The following AKNA variants were observed in gnomAD, a reference collection of about 807,000 sequenced individuals.
The protein encoded by AKNA is AT-hook transcription factor.
Under a neutral mutation model 138.8 loss-of-function variants are expected in AKNA, and 67 were observed. The ratio of observed to expected loss-of-function variants is 0.48; its 90% CI spans 0.40 to 0.59. The LOEUF (loss-of-function observed/expected upper bound fraction) is 0.59. Ranked by LOEUF, AKNA falls within the 20% of genes least tolerant of loss-of-function variation. The probability of loss-of-function intolerance (pLI) is 0.00; values close to 1 mark genes in which losing one functional copy is unlikely to be tolerated. For synonymous variants in AKNA, 737 were observed against 754.4 expected, an observed-to-expected ratio of 0.98 and a Z score of 0.38; for missense variants, 1,813 against 1,880.4, an observed-to-expected ratio of 0.96 and a Z score of 0.66.
At chr9:114,365,838 G>A (rs1832306030) in intron 6 of AKNA, among the ~76,000 whole-genome samples, 1 of 152,224 alleles carries the variant, frequency 6.6e-6, no homozygotes, top group Non-Finnish European at 1.5e-5. Context: ...ACAGTCACAT[G>A]TGGCCAGCAG....
At chr9:114,383,140 G>T in intron 1 of AKNA, 3 of 456,040 alleles carry the variant, frequency 6.6e-6, no homozygotes, top group Non-Finnish European at 1.3e-5. Flanking sequence ...CAGAGGTGTG[G>T]TTTAAAAGTT....
chr9:114,368,697 TAATA>T, intron 4 of AKNA, 102 bp from the exon 5 acceptor site: 1 of 1,021,552 alleles, frequency 9.8e-7, no homozygotes, highest in Admixed American at 4.2e-5. Context: ...TGCCCTGTAG[TAATA>T]AATACCATCT....
At chr9:114,383,675 C>CTG (rs1833842810) in intron 1 of AKNA, among the ~76,000 whole-genome samples, 2 of 152,196 alleles carry the variant, frequency 1.3e-5, no homozygotes, top group African/African-American at 4.8e-5. Context: ...GACAGAAGGT[C>CTG]TGTGTTTGTC....
At position 114,348,219 on chromosome 9, in the gene AKNA, T is replaced by C. The variant is rs538638474; in HGVS notation, c.3222-319A>G. On this transcript the variant is annotated intron_variant, in intron 15 of 21. Transcript: ENST00000374088. ...TCGAGATGGAGACAAGGATGCAGCATAGAGAGGGCCCTAGCTACAGTTCTG... is the reference window on the plus strand; with the variant it reads ...TCGAGATGGAGACAAGGATGCAGCACAGAGAGGGCCCTAGCTACAGTTCTG... Among the ~76,000 whole-genome samples the C allele has an allele frequency of 5.3e-5, 8 of 152,274 alleles. 1 individual carries two copies. In the South Asian group the frequency reaches 1.4e-3, roughly 28 times the overall value.
chr9:114,385,014 T>A (rs1833932860), intron 1 of AKNA, among the ~76,000 whole-genome samples: 1 of 152,090 alleles, frequency 6.6e-6, no homozygotes, highest in Non-Finnish European at 1.5e-5. Context: ...CATGCCTGGC[T>A]AATTTTAAAA....
upstream of AKNA, among the ~76,000 whole-genome samples, chr9:114,394,959 G>A (rs955670117): frequency 1.7e-4 from 26 of 152,346 alleles, no homozygotes; most frequent in Admixed American, 1.5e-3. Flanking sequence ...GCAGTGGGGG[G>A]GCTGGGGGGA....
rs200305427 is a variant in AKNA at position 114,376,664 on chromosome 9, G to A, written c.1143C>T (p.Ser381=). ...PKDESYRPPK[S]RSHNRKPQAP... Reference sequence around the variant, plus strand: ...CCTGAGGCTTCCTGTTGTGGCTTCTGGACTTGGGGGGACGGTAGCTCTCAT... The same window carrying A: ...CCTGAGGCTTCCTGTTGTGGCTTCTAGACTTGGGGGGACGGTAGCTCTCAT... Residue 381 remains serine, a synonymous_variant, in exon 3 of 22, where the codon TCC becomes TCT. Coordinates refer to ENST00000374088, the MANE Select transcript of AKNA (RefSeq NM_001317950.2). 50 of 1,613,614 alleles carry A rather than the reference G, an allele frequency of 3.1e-5. No homozygotes were observed. The African/African-American group carries it at 6.4e-4, about 21-fold the overall frequency.
intron 16 of AKNA, among the ~76,000 whole-genome samples, 172 bp downstream of exon 16, chr9:114,347,552 T>G (rs953820239): frequency 6.6e-6 from 1 of 152,212 alleles, no homozygotes; most frequent in African/African-American, 2.4e-5. Context: ...TTATATATTC[T>G]TTTGTGCATC....
intron 6 of AKNA, 89 bp downstream of exon 6, chr9:114,367,454 C>T (rs1318374740): frequency 6.7e-7 from 1 of 1,483,640 alleles, no homozygotes; most frequent in Non-Finnish European, 9.1e-7. Context: ...AAGTGAGACT[C>T]CCAGAGTGCC....
At chr9:114,394,400 A>C (rs1351888043) in exon 1 of AKNA, 1 of 152,206 alleles carries the variant, frequency 6.6e-6, no homozygotes, top group Non-Finnish European at 1.5e-5. Context: ...CTCCGTCTTC[A>C]GTTGCCCCTC....
chr9:114,337,632 A>G (rs1159270730), intron 21 of AKNA, among the ~76,000 whole-genome samples: 2 of 152,128 alleles, frequency 1.3e-5, no homozygotes, highest in African/African-American at 2.4e-5. Context: ...CAGTGGGACA[A>G]GAAAACATGG....
intron 9 of AKNA, among the ~76,000 whole-genome samples, chr9:114,361,075 G>C (rs1433825273): frequency 2.0e-5 from 3 of 151,604 alleles, no homozygotes; most frequent in African/African-American, 7.3e-5. Flanking sequence ...CCTCAGACTG[G>C]CCTACCCACA....
chr9:114,347,649 G>A, intron 16 of AKNA, 75 bp downstream of exon 16: 1 of 1,413,758 alleles, frequency 7.1e-7, no homozygotes, highest in East Asian at 2.6e-5. Context: ...TATGTCTGGG[G>A]AGAGCCAGAG....
At chr9:114,390,012 A>G (rs921592625), upstream of AKNA, among the ~76,000 whole-genome samples, 30 of 152,172 alleles carry the variant, frequency 2.0e-4, no homozygotes, top group East Asian at 9.7e-4. Context: ...CATGTGTGCC[A>G]TTGTGCAAGG....
chr9:114,369,022 ATT>A (rs781414203), intron 4 of AKNA, among the ~76,000 whole-genome samples: 1 of 152,358 alleles, frequency 6.6e-6, no homozygotes, highest in East Asian at 1.9e-4. Context: ...ACATATAATT[ATT>A]TCTTAACAAA....
chr9:114,332,705 G>T (rs942337951), downstream of AKNA, among the ~76,000 whole-genome samples: 1 of 152,128 alleles, frequency 6.6e-6, no homozygotes. Context: ...CCACTGTCTG[G>T]CTAGGGAGCC....
upstream of AKNA, among the ~76,000 whole-genome samples, chr9:114,388,894 G>A: frequency 6.6e-6 from 1 of 152,198 alleles, no homozygotes; most frequent in East Asian, 1.9e-4. Flanking sequence ...CGTGTCCCAG[G>A]CCAGGTGGCA....
At chr9:114,373,217 G>A (rs942537933) in intron 4 of AKNA, among the ~76,000 whole-genome samples, 7 of 152,202 alleles carry the variant, frequency 4.6e-5, no homozygotes, top group South Asian at 2.1e-4. Flanking sequence ...ACGAGGGGCC[G>A]CACAGGTCCC....
At chr9:114,373,594 C>T (rs1199536302) in intron 4 of AKNA, among the ~76,000 whole-genome samples, 10 of 151,992 alleles carry the variant, frequency 6.6e-5, no homozygotes, top group Admixed American at 6.6e-4. Flanking sequence ...CATGAAATTC[C>T]TGGGCTCATG....
Sources: gnomAD v4.1 joint callset for allele counts (sites outside exome capture counted in the v4.1 genomes callset) on GRCh38, gnomAD v4.1.1 for gene constraint, MANE v1.5 for transcripts, NCBI Gene and HGNC (gene_info 2026-07-23, HGNC 2026-07-21) for gene names.